SNAP91: variants seen among roughly 807,000 people sequenced by gnomAD.
SNAP91 encodes clathrin coat assembly protein AP180.
In SNAP91, 27 loss-of-function variants were observed where a neutral mutation model predicts 100.3. That is an observed-to-expected ratio of 0.27 (90% CI 0.20 to 0.37). SNAP91 has a LOEUF of 0.37. Ranked by LOEUF, SNAP91 falls within the 10% of genes least tolerant of loss-of-function variation. The pLI, the probability that SNAP91 is intolerant of heterozygous loss-of-function variation, is 1.00. For missense variants in SNAP91, 986 were observed against 1,123.7 expected (o/e 0.88, Z 1.75); for synonymous variants, 404 against 398.6 (o/e 1.01, Z -0.16).
intron 8 of SNAP91, among the ~76,000 whole-genome samples, chr6:83,628,219 TTACATATATATATA>T (rs1351648820): frequency 1.7e-5 from 1 of 59,916 alleles, no homozygotes; most frequent in Non-Finnish European, 3.2e-5. Context: ...ATATTCCATT[TTACATATATATATA>T]TATATATATA....
chr6:83,703,268 TA>T (rs2099342045), intron 2 of SNAP91, among the ~76,000 whole-genome samples: 1 of 152,072 alleles, frequency 6.6e-6, no homozygotes, highest in Non-Finnish European at 1.5e-5. Context: ...TAGTGTTTAG[TA>T]ATCTTTTACA....
At chr6:83,637,409 T>C (rs1034146317) in intron 8 of SNAP91, among the ~76,000 whole-genome samples, 4 of 152,050 alleles carry the variant, frequency 2.6e-5, no homozygotes, top group African/African-American at 9.7e-5. Context: ...TTGCAGTGGG[T>C]TGGGGTGAAG....
At chr6:83,603,231 GA>G (rs796230547) in intron 14 of SNAP91, among the ~76,000 whole-genome samples, 1 of 151,930 alleles carries the variant, frequency 6.6e-6, no homozygotes, top group African/African-American at 2.4e-5. Context: ...TAAAATAACT[GA>G]AAAAAGCATA....
chr6:83,559,306 T>A (rs182374904), intron 28 of SNAP91, among the ~76,000 whole-genome samples: 1 of 152,184 alleles, frequency 6.6e-6, no homozygotes, highest in Non-Finnish European at 1.5e-5. Flanking sequence ...TCCTACATAA[T>A]GAAGCATCAA....
rs1404265671 is a variant in SNAP91, at chr6:83,605,822, A to T, written c.1023-19T>A. On this transcript the variant is annotated intron_variant, in intron 13 of 29. Coordinates refer to ENST00000369694, the MANE Select transcript of SNAP91 (RefSeq NM_001242792.2). ...AGAAGTGCTGAAAGGAAAATAAAACATTAAAATCAGATTTTGAAATTTTAT... is the reference window on the plus strand; with the variant it reads ...AGAAGTGCTGAAAGGAAAATAAAACTTTAAAATCAGATTTTGAAATTTTAT... 4 of 1,510,552 alleles carry T rather than the reference A, an allele frequency of 2.6e-6. No homozygotes were observed. The highest frequency in any genetic ancestry group is 2.8e-5 in the African/African-American group (2 of 71,148). 93.6% of individuals were successfully genotyped at this position (1,510,552 alleles called of 1,614,324 possible).
intron 2 of SNAP91, among the ~76,000 whole-genome samples, chr6:83,667,505 T>G (rs1282787444): frequency 6.6e-6 from 1 of 152,056 alleles, no homozygotes. Context: ...TCACTGCTTT[T>G]TTTTGAGAAC....
intron 2 of SNAP91, among the ~76,000 whole-genome samples, chr6:83,681,861 A>C (rs2098994380): frequency 6.6e-6 from 1 of 152,152 alleles, no homozygotes; most frequent in South Asian, 2.1e-4. Context: ...TGGACTGAAA[A>C]ACAGTTTAAA....
intron 16 of SNAP91, among the ~76,000 whole-genome samples, chr6:83,599,829 A>G (rs2094950185): frequency 6.6e-6 from 1 of 152,154 alleles, no homozygotes; most frequent in Admixed American, 6.5e-5. Flanking sequence ...CTCTTCACCT[A>G]GGCTAAAGTG....
chr6:83,678,914 T>C (rs575533122), intron 2 of SNAP91: 5 of 1,091,104 alleles, frequency 4.6e-6, no homozygotes, highest in East Asian at 1.8e-4. Context: ...CTGCAGGATT[T>C]AAGTAAAAAG....
chr6:83,670,972 G>C (rs2098774941), intron 2 of SNAP91, among the ~76,000 whole-genome samples: 1 of 151,892 alleles, frequency 6.6e-6, no homozygotes, highest in Non-Finnish European at 1.5e-5. Flanking sequence ...TGTTCAAAAT[G>C]GTTTGTGGCT....
chr6:83,609,669 T>C (rs926859270), intron 12 of SNAP91, among the ~76,000 whole-genome samples: 8 of 152,208 alleles, frequency 5.3e-5, no homozygotes, highest in African/African-American at 1.9e-4. Flanking sequence ...AATACTCTTG[T>C]CACTAATAAC....
rs1193178797 is a variant in SNAP91, at chr6:83,594,385, C to A, written c.1421G>T (p.Cys474Phe). The change falls in exon 17 of 30, where the codon TGT becomes TTT. Residue 474 changes from cysteine (C) to phenylalanine (F), a missense_variant. Transcript: ENST00000369694. Reference protein sequence around the residue: ...PTPVAAALDACSGNDPFAPSE... With the variant: ...PTPVAAALDAFSGNDPFAPSE... ...GACTTTAAACCCACCATTTCCTGAA[C>A]ATGCATCAAGTGCTGCTGCTACAGG... The A allele has an allele frequency of 1.3e-6, 2 of 1,552,942 alleles. No homozygotes were observed. Among genetic ancestry groups the A allele is most frequent in the Non-Finnish European group, 1.7e-6 (2 of 1,147,452 alleles).
chr6:83,591,230 T>G lies in SNAP91; in HGVS notation c.1995A>C (p.Ala665=). 1 of 1,611,208 alleles carries G rather than the reference T, an allele frequency of 6.2e-7. No individual in the cohort carries two copies. The highest frequency in any genetic ancestry group is 8.5e-7 in the Non-Finnish European group (1 of 1,177,620). ...PASQAASSSS[A]SADLLAGFGG... ...AATTACCAGCTAGTAGGTCTGCCGA[T>G]GCTGATGAACTAGAAGCAGCCTGAG... is the stretch of plus-strand genomic sequence containing the variant. Residue 665 remains alanine, a synonymous_variant, in exon 22 of 30, where the codon GCA becomes GCC. Coordinates refer to ENST00000369694, the MANE Select transcript of SNAP91 (RefSeq NM_001242792.2).
intron 11 of SNAP91, among the ~76,000 whole-genome samples, chr6:83,614,529 T>G (rs1238483715): frequency 6.6e-6 from 1 of 152,122 alleles, no homozygotes; most frequent in Non-Finnish European, 1.5e-5. Flanking sequence ...CTTTTCGCAT[T>G]TATGCTATAA....
In SNAP91 at chr6:83,591,509, T is replaced by G. The variant is rs371512281; in HGVS notation, c.1931-215A>C. Among the ~76,000 whole-genome samples, 3 of 152,320 alleles carry G rather than the reference T, an allele frequency of 2.0e-5. 1 individual carries two copies. The highest frequency in any genetic ancestry group is 3.9e-4 in the East Asian group (2 of 5,188). On this transcript the variant is annotated intron_variant, in intron 21 of 29. Coordinates refer to ENST00000369694, the MANE Select transcript of SNAP91 (RefSeq NM_001242792.2). ...TAAAATATTAACAAGTAATACCTCT[T>G]TGTAAGATTAAGGGAATTCTTTTTT...
intron 2 of SNAP91, among the ~76,000 whole-genome samples, chr6:83,683,203 C>G (rs1243479007): frequency 6.6e-6 from 1 of 152,084 alleles, no homozygotes; most frequent in African/African-American, 2.4e-5. Context: ...TCCTTCTTCC[C>G]CCAATCTCTT....
At chr6:83,663,643 C>A (rs1350154665) in intron 3 of SNAP91, among the ~76,000 whole-genome samples, 3 of 152,000 alleles carry the variant, frequency 2.0e-5, no homozygotes, top group African/African-American at 7.2e-5. Flanking sequence ...GAGGTTAGTT[C>A]ATGAGGTTTA....
chr6:83,559,682 C>G (rs565834263), intron 28 of SNAP91, among the ~76,000 whole-genome samples: 5 of 132,914 alleles, frequency 3.8e-5, no homozygotes, highest in Middle Eastern at 3.5e-3. Context: ...TTCTCACAGA[C>G]TTTGCAGTTT....
intron 27 of SNAP91, 47 bp downstream of exon 27, chr6:83,560,817 T>C (rs1240922073): frequency 6.6e-7 from 1 of 1,516,412 alleles, no homozygotes; most frequent in East Asian, 2.3e-5. Flanking sequence ...ATTTGGCAAA[T>C]TATTTAGAAA....
Sources: gnomAD v4.1 joint callset for allele counts (sites outside exome capture counted in the v4.1 genomes callset) on GRCh38, gnomAD v4.1.1 for gene constraint, MANE v1.5 for transcripts, NCBI Gene and HGNC (gene_info 2026-07-23, HGNC 2026-07-21) for gene names.